The following AXDND1 variants were observed in gnomAD, a reference collection of about 807,000 sequenced individuals.
AXDND1 encodes axonemal dynein light chain domain-containing protein 1.
Under a neutral mutation model 137.5 loss-of-function variants are expected in AXDND1, and 110 were observed. That is an observed-to-expected ratio of 0.80 (90% CI 0.69 to 0.94). The LOEUF is 0.94. Ranked by LOEUF, AXDND1 falls within the 40% of genes least tolerant of loss-of-function variation. AXDND1 has a pLI of 0.00. For synonymous variants in AXDND1, 414 were observed against 399.7 expected (o/e 1.04, Z -0.43); for missense variants, 1,191 against 1,169.8 (o/e 1.02, Z -0.26).
rs149773117 is a variant in AXDND1, at chr1:179,484,158, G to A, written c.2091+937G>A. ...AGGCGAGAAGTGACCTACTCTTGCC[G>A]TAGGCATCTGGAATTCAGACAGCAG... On this transcript the variant is annotated intron_variant, in intron 18 of 25. Transcript: ENST00000367618. 1.7e-3 allele frequency among the ~76,000 whole-genome samples: 256 copies of A among 152,312 alleles called. 2 individuals are homozygous for A. The highest frequency in any genetic ancestry group is 5.9e-3 in the African/African-American group (246 of 41,558).
chr1:179,422,777 T>C (rs918881903), intron 12 of AXDND1, among the ~76,000 whole-genome samples: 6 of 152,182 alleles, frequency 3.9e-5, no homozygotes, highest in Non-Finnish European at 8.8e-5. Context: ...CCTTTTTTTT[T>C]CTTTGAGATG....
intron 19 of AXDND1, among the ~76,000 whole-genome samples, chr1:179,492,635 C>T (rs980931383): frequency 6.6e-6 from 1 of 151,968 alleles, no homozygotes; most frequent in Admixed American, 6.6e-5. Flanking sequence ...TACTAAGGGT[C>T]AAGAATAAGA....
chr1:179,488,762 T>A (rs1666499250), intron 18 of AXDND1, among the ~76,000 whole-genome samples: 1 of 140,994 alleles, frequency 7.1e-6, no homozygotes, highest in Admixed American at 7.0e-5. Context: ...TGAAATGGAG[T>A]CTCGCTCTGT....
intron 17 of AXDND1, among the ~76,000 whole-genome samples, chr1:179,478,162 G>T (rs191339328): frequency 2.0e-5 from 3 of 152,112 alleles, no homozygotes; most frequent in African/African-American, 7.2e-5. Context: ...CCAGGCACAC[G>T]GTGCATGCTG....
chr1:179,527,037 A>G (rs953028061), intron 22 of AXDND1, among the ~76,000 whole-genome samples: 1 of 152,248 alleles, frequency 6.6e-6, no homozygotes, highest in Non-Finnish European at 1.5e-5. Context: ...ATTCAGAGCG[A>G]GTTTGCAGTC....
rs565459633 is a variant in AXDND1, at chr1:179,448,071, G to A, written c.1798+2867G>A. ...TCTGAGGTGGCAAACCAGGTGCAAT[G>A]TTATGATTCTGCATCATATTATCAA... On this transcript the variant is annotated intron_variant, in intron 16 of 25. Coordinates refer to ENST00000367618, the MANE Select transcript of AXDND1 (RefSeq NM_144696.6). 75 of 1,097,882 alleles carry A rather than the reference G, an allele frequency of 6.8e-5. 1 individual carries two copies. The East Asian group carries it at 1.8e-3, about 26-fold the overall frequency. The allele number at this position is 1,097,882 out of a possible 1,614,324, so 68.0% of individuals were successfully genotyped here.
intron 16 of AXDND1, among the ~76,000 whole-genome samples, chr1:179,446,283 T>C (rs1384245642): frequency 6.6e-6 from 1 of 152,202 alleles, no homozygotes; most frequent in East Asian, 1.9e-4. Context: ...TAATGAATAT[T>C]GTGTGTTATT....
intron 2 of AXDND1, among the ~76,000 whole-genome samples, chr1:179,367,946 T>C (rs1158309119): frequency 6.6e-6 from 1 of 151,888 alleles, no homozygotes. Context: ...CTGCACCTTG[T>C]ACTAAAACCC....
intron 15 of AXDND1, among the ~76,000 whole-genome samples, chr1:179,440,865 A>G (rs1388806354): frequency 2.6e-5 from 4 of 152,226 alleles, no homozygotes; most frequent in Non-Finnish European, 4.4e-5. Flanking sequence ...ATCACAGACA[A>G]TGTTGATAGG....
At chr1:179,491,395 T>C (rs1168277870) in intron 18 of AXDND1, 143 bp from the exon 19 acceptor site, 2 of 610,266 alleles carry the variant, frequency 3.3e-6, no homozygotes, top group African/African-American at 3.8e-5. Context: ...AGGGTCATGC[T>C]AGCTGATGAC....
chr1:179,465,178 C>G (rs991786773), intron 16 of AXDND1, among the ~76,000 whole-genome samples: 1 of 152,152 alleles, frequency 6.6e-6, no homozygotes, highest in Non-Finnish European at 1.5e-5. Flanking sequence ...GAGCTGTGTG[C>G]CTTTGGAGGA....
At chr1:179,416,632 C>T (rs1654751943) in intron 12 of AXDND1, among the ~76,000 whole-genome samples, 2 of 152,278 alleles carry the variant, frequency 1.3e-5, no homozygotes, top group South Asian at 4.2e-4. Flanking sequence ...CTCCTGATTT[C>T]TATTTACTTT....
At chr1:179,402,291 A>G (rs1457630719) in intron 11 of AXDND1, among the ~76,000 whole-genome samples, 2 of 152,050 alleles carry the variant, frequency 1.3e-5, no homozygotes, top group Non-Finnish European at 2.9e-5. Context: ...TTTCTGTAGT[A>G]TAACTTTCTT....
Position 179,378,761 on chromosome 1 carries a change from A to C in AXDND1, c.495+4A>C, listed in dbSNP as rs770966341. ...TGGTGTCATTGTGCCCCATAAGGTAAATAAAGTATTTGACAAATAATCTTC... is the reference window on the plus strand; with the variant it reads ...TGGTGTCATTGTGCCCCATAAGGTACATAAAGTATTTGACAAATAATCTTC... On this transcript the variant is annotated splice_donor_region_variant and intron_variant, in intron 5 of 25. Transcript: ENST00000367618. 1 of 1,515,950 alleles carries C rather than the reference A, an allele frequency of 6.6e-7. No individual in the cohort carries two copies. Among genetic ancestry groups the C allele is most frequent in the South Asian group, 1.5e-5 (1 of 68,360 alleles). 93.9% of individuals were successfully genotyped at this position (1,515,950 alleles called of 1,614,324 possible). A position where few individuals can be genotyped will look rare whatever the true frequency, so the allele number is the denominator to read the frequency against.
intron 15 of AXDND1, among the ~76,000 whole-genome samples, chr1:179,439,457 G>A (rs1658666424): frequency 6.6e-6 from 1 of 152,158 alleles, no homozygotes; most frequent in Admixed American, 6.5e-5. Context: ...ATGTCAGGGG[G>A]AGTTAGGGGT....
chr1:179,517,753 G>A (rs1238960261), intron 21 of AXDND1, among the ~76,000 whole-genome samples: 1 of 152,222 alleles, frequency 6.6e-6, no homozygotes, highest in Non-Finnish European at 1.5e-5. Context: ...GGAGTGGAGG[G>A]TCTCCCTTTC....
intron 17 of AXDND1, among the ~76,000 whole-genome samples, chr1:179,469,778 T>G (rs1663693403): frequency 6.6e-6 from 1 of 152,238 alleles, no homozygotes; most frequent in South Asian, 2.1e-4. Flanking sequence ...TAATGACAAA[T>G]GATGTGAAGA....
chr1:179,518,385 CTTT>C (rs71114530), intron 21 of AXDND1, among the ~76,000 whole-genome samples: 1 of 145,110 alleles, frequency 6.9e-6, no homozygotes. Context: ...TTTCCTTTTT[CTTT>C]TTTTTTTTTT....
intron 23 of AXDND1, among the ~76,000 whole-genome samples, chr1:179,531,270 A>G (rs1052986447): frequency 6.6e-6 from 1 of 152,182 alleles, no homozygotes; most frequent in African/African-American, 2.4e-5. Flanking sequence ...TAGGTTCTAC[A>G]ATAATGATGT....
Sources: allele counts gnomAD v4.1 joint callset (sites outside exome capture counted in the v4.1 genomes callset), GRCh38; gene constraint gnomAD v4.1.1; transcripts MANE v1.5; gene names NCBI Gene and HGNC (gene_info 2026-07-23, HGNC 2026-07-21).